The following CNTNAP5 variants were observed in gnomAD, a reference collection of about 807,000 sequenced individuals.
CNTNAP5 encodes the protein contactin-associated protein-like 5.
In CNTNAP5, 72 loss-of-function variants were observed where a neutral mutation model predicts 150.2. The ratio of observed to expected loss-of-function variants is 0.48; its 90% CI spans 0.40 to 0.58. The LOEUF (loss-of-function observed/expected upper bound fraction) is 0.58. Among genes scored for constraint, CNTNAP5 ranks in the 20% least tolerant of loss-of-function variants. The pLI is 0.00. For missense variants in CNTNAP5, 1,636 were observed against 1,626.2 expected, an observed-to-expected ratio of 1.01 and a Z score of -0.10; for synonymous variants, 672 against 619.8, an observed-to-expected ratio of 1.08 and a Z score of -1.25.
chr2:124,104,271 C>T (rs1427885331), intron 1 of CNTNAP5, among the ~76,000 whole-genome samples: 2 of 152,180 alleles, frequency 1.3e-5, no homozygotes, highest in Admixed American at 6.6e-5. Context: ...CCATACCTCA[C>T]CAACTTTCTG....
At chr2:124,173,946 C>T (rs1158326415) in intron 1 of CNTNAP5, among the ~76,000 whole-genome samples, 1 of 151,966 alleles carries the variant, frequency 6.6e-6, no homozygotes, top group Non-Finnish European at 1.5e-5. Flanking sequence ...ACATTGAAAC[C>T]AATGCTCATT....
At chr2:124,419,494 C>T (rs1482066922) in intron 4 of CNTNAP5, among the ~76,000 whole-genome samples, 2 of 152,166 alleles carry the variant, frequency 1.3e-5, no homozygotes, top group African/African-American at 2.4e-5. Flanking sequence ...TGTATCTTTT[C>T]TACAGTATGA....
chr2:124,616,696 C>T (rs1207597556), intron 12 of CNTNAP5, among the ~76,000 whole-genome samples: 4 of 152,160 alleles, frequency 2.6e-5, no homozygotes, highest in Non-Finnish European at 4.4e-5. Flanking sequence ...TTAATCATTT[C>T]CAGCTTTTGA....
chr2:124,778,846 G>GA (rs78363063), intron 17 of CNTNAP5, among the ~76,000 whole-genome samples: 118 of 137,852 alleles, frequency 8.6e-4, no homozygotes, highest in Middle Eastern at 3.8e-3. Flanking sequence ...AAGTTAAAAA[G>GA]AAAAAAAAAA....
At chr2:124,750,801 C>T (rs376236382) in intron 14 of CNTNAP5, among the ~76,000 whole-genome samples, 18 of 151,786 alleles carry the variant, frequency 1.2e-4, no homozygotes, top group South Asian at 8.3e-4. Flanking sequence ...CTGGCCAACA[C>T]GGTGAAACCC....
chr2:124,812,249 A>G (rs1376415656), intron 19 of CNTNAP5, among the ~76,000 whole-genome samples: 1 of 145,612 alleles, frequency 6.9e-6, no homozygotes, highest in Non-Finnish European at 1.5e-5. Flanking sequence ...TAAATAGTTC[A>G]TGCTAAGGCT....
At chr2:124,630,113 A>C (rs1044630371) in intron 12 of CNTNAP5, among the ~76,000 whole-genome samples, 5 of 152,016 alleles carry the variant, frequency 3.3e-5, no homozygotes, top group Admixed American at 1.3e-4. Flanking sequence ...TCCCAAGTCC[A>C]GATAGATTTA....
At chr2:124,178,797 C>G (rs1685130152) in intron 1 of CNTNAP5, among the ~76,000 whole-genome samples, 1 of 152,034 alleles carries the variant, frequency 6.6e-6, no homozygotes, top group Admixed American at 6.6e-5. Flanking sequence ...TGCTTGAACT[C>G]TAGATAGTGT....
intron 10 of CNTNAP5, among the ~76,000 whole-genome samples, chr2:124,554,095 T>A (rs978251869): frequency 1.3e-5 from 2 of 152,186 alleles, no homozygotes; most frequent in Non-Finnish European, 2.9e-5. Context: ...TAAGTTTTTT[T>A]TTCTTTTTTT....
At chr2:124,325,307 A>C (rs1689189710) in intron 3 of CNTNAP5, among the ~76,000 whole-genome samples, 1 of 152,212 alleles carries the variant, frequency 6.6e-6, no homozygotes, top group Non-Finnish European at 1.5e-5. Flanking sequence ...TGAGAAATAC[A>C]TGTGTTTTGT....
chr2:124,675,601 A>T (rs913703121), intron 13 of CNTNAP5, among the ~76,000 whole-genome samples: 1 of 152,136 alleles, frequency 6.6e-6, no homozygotes, highest in Non-Finnish European at 1.5e-5. Context: ...ACTCAATTTC[A>T]ATCGTATACA....
chr2:124,115,845 T>C (rs553963858), intron 1 of CNTNAP5, among the ~76,000 whole-genome samples: 1 of 146,264 alleles, frequency 6.8e-6, no homozygotes, highest in South Asian at 2.2e-4. Flanking sequence ...AGGTTTCACA[T>C]TTGTGCAGGC....
chr2:124,521,977 C>A (rs987782912), intron 8 of CNTNAP5, among the ~76,000 whole-genome samples: 7 of 152,134 alleles, frequency 4.6e-5, no homozygotes, highest in African/African-American at 1.4e-4. Flanking sequence ...TCTGGGTTCT[C>A]TTCTTCACCC....
intron 3 of CNTNAP5, among the ~76,000 whole-genome samples, chr2:124,396,601 G>T (rs891659976): frequency 6.6e-6 from 1 of 152,106 alleles, no homozygotes; most frequent in South Asian, 2.1e-4. Flanking sequence ...AAAATAGCTT[G>T]GTACTTTAAA....
chr2:124,178,211 C>T (rs1433444121), intron 1 of CNTNAP5, among the ~76,000 whole-genome samples: 3 of 152,116 alleles, frequency 2.0e-5, no homozygotes, highest in African/African-American at 7.2e-5. Flanking sequence ...TGGGTTATTG[C>T]ACATACTAAG....
chr2:124,434,757 GA>G, intron 5 of CNTNAP5, 70 bp downstream of exon 5: 1 of 1,332,708 alleles, frequency 7.5e-7, no homozygotes, highest in Non-Finnish European at 1.0e-6. Context: ...CACAGTGTCT[GA>G]CACTTGCAGT....
chr2:124,402,681 A>G (rs1482458105), intron 3 of CNTNAP5, among the ~76,000 whole-genome samples: 1 of 152,192 alleles, frequency 6.6e-6, no homozygotes, highest in Non-Finnish European at 1.5e-5. Context: ...TCAAATTCTG[A>G]GTGGTCTTTT....
intron 1 of CNTNAP5, among the ~76,000 whole-genome samples, chr2:124,051,398 A>T (rs1196827039): frequency 6.6e-6 from 1 of 152,220 alleles, no homozygotes; most frequent in Non-Finnish European, 1.5e-5. Context: ...CCTCTAAGGA[A>T]GCATGTTAAT....
At chr2:124,027,516 G>A (rs775266616) in intron 1 of CNTNAP5, among the ~76,000 whole-genome samples, 1 of 152,182 alleles carries the variant, frequency 6.6e-6, no homozygotes, top group Admixed American at 6.5e-5. Flanking sequence ...TTTCTTAAGA[G>A]CCAATAAAAC....
Sources: allele counts gnomAD v4.1 joint callset (sites outside exome capture counted in the v4.1 genomes callset), GRCh38; gene constraint gnomAD v4.1.1; transcripts MANE v1.5; gene names NCBI Gene and HGNC (gene_info 2026-07-23, HGNC 2026-07-21).